The following MARCHF6 variants were observed in gnomAD, a reference collection of about 807,000 sequenced individuals.
MARCHF6 encodes E3 ubiquitin-protein ligase MARCHF6.
MARCHF6 carries 31 observed loss-of-function variants against 133.7 expected under a neutral mutation model. That is an observed-to-expected ratio of 0.23 (90% confidence interval 0.17 to 0.31). The LOEUF (loss-of-function observed/expected upper bound fraction) is 0.31. MARCHF6 is among the 10% of genes least tolerant of loss of function. MARCHF6 has a pLI of 1.00. For synonymous variants in MARCHF6, 395 were observed against 402.5 expected (o/e 0.98, Z 0.22); for missense variants, 723 against 1,121.6 (o/e 0.64, Z 5.08).
intron 1 of MARCHF6, among the ~76,000 whole-genome samples, chr5:10,372,898 A>C (rs1198278422): frequency 6.6e-6 from 1 of 152,076 alleles, no homozygotes; most frequent in Non-Finnish European, 1.5e-5. Flanking sequence ...ACAATAAGTG[A>C]AAAAGAAGTC....
chr5:10,391,007 T>C (rs533797852), intron 6 of MARCHF6, among the ~76,000 whole-genome samples: 12 of 152,262 alleles, frequency 7.9e-5, no homozygotes, highest in South Asian at 2.1e-4. Context: ...ACACGTGTTA[T>C]GAAGTGAGGT....
intron 1 of MARCHF6, among the ~76,000 whole-genome samples, chr5:10,361,067 A>G (rs1735793056): frequency 6.6e-6 from 1 of 152,254 alleles, no homozygotes. Context: ...TTAATAATTC[A>G]GACTATATTT....
chr5:10,418,246 G>T (rs1369563118), intron 22 of MARCHF6, among the ~76,000 whole-genome samples: 1 of 151,988 alleles, frequency 6.6e-6, no homozygotes, highest in Non-Finnish European at 1.5e-5. Flanking sequence ...CAAGCGTGGT[G>T]GTGTGGGCAT....
intron 10 of MARCHF6, among the ~76,000 whole-genome samples, chr5:10,399,900 C>T (rs1384937770): frequency 6.6e-6 from 1 of 152,154 alleles, no homozygotes; most frequent in Non-Finnish European, 1.5e-5. Flanking sequence ...TCATGTTTTA[C>T]ATCTGTCCAT....
chr5:10,393,582 T>C (rs1738004445), intron 7 of MARCHF6, among the ~76,000 whole-genome samples: 1 of 152,228 alleles, frequency 6.6e-6, no homozygotes, highest in Non-Finnish European at 1.5e-5. Flanking sequence ...AGCTCCTAAC[T>C]ATTCTTTCTC....
Position 10,403,396 on chromosome 5 carries a change from T to G in MARCHF6, c.1198-11T>G. ...GCACAGATTTCTCTTACCTGTCCTCTTTTGTCTCAGGAAATGTTTGATGCT... is the reference window on the plus strand; with the variant it reads ...GCACAGATTTCTCTTACCTGTCCTCGTTTGTCTCAGGAAATGTTTGATGCT... On this transcript the variant is annotated splice_polypyrimidine_tract_variant and intron_variant, in intron 14 of 25. Coordinates refer to ENST00000274140, the MANE Select transcript of MARCHF6 (RefSeq NM_005885.4). 2.5e-6 allele frequency: 4 copies of G among 1,609,236 alleles called. No individual in the cohort carries two copies. The highest frequency in any genetic ancestry group is 3.4e-6 in the Non-Finnish European group (4 of 1,178,244).
At position 10,364,143 on chromosome 5, in the gene MARCHF6, A is replaced by G. The variant is rs1579520895; in HGVS notation, c.19+10226A>G. Among the ~76,000 whole-genome samples the G allele has an allele frequency of 2.0e-5, 3 of 152,266 alleles. No individual in the cohort carries two copies. The East Asian group carries it at 5.8e-4, about 29-fold the overall frequency. On this transcript the variant is annotated intron_variant, in intron 1 of 25. Coordinates refer to ENST00000274140, the MANE Select transcript of MARCHF6 (RefSeq NM_005885.4). ...TAAAACTACTGTGAGATATCATTAC[A>G]TACCTATTAGTGTGGCTAAAATGGT...
intron 14 of MARCHF6, among the ~76,000 whole-genome samples, 167 bp from the exon 15 acceptor site, chr5:10,403,240 A>G (rs1157071686): frequency 6.6e-6 from 1 of 152,224 alleles, no homozygotes; most frequent in Non-Finnish European, 1.5e-5. Flanking sequence ...AGCAGTAGCC[A>G]ATCTTGTATA....
intron 17 of MARCHF6, among the ~76,000 whole-genome samples, chr5:10,409,665 G>A (rs915033648): frequency 4.6e-5 from 7 of 152,186 alleles, no homozygotes; most frequent in Admixed American, 1.3e-4. Flanking sequence ...TGACTGCTGT[G>A]ATGAGAGGAA....
chr5:10,358,590 A>G (rs1050347171), intron 1 of MARCHF6, among the ~76,000 whole-genome samples: 6 of 152,218 alleles, frequency 3.9e-5, no homozygotes, highest in Non-Finnish European at 8.8e-5. Flanking sequence ...TCTAGAGATA[A>G]TTTAAAGTAC....
chr5:10,365,833 A>G (rs1402158657), intron 1 of MARCHF6, among the ~76,000 whole-genome samples: 1 of 151,810 alleles, frequency 6.6e-6, no homozygotes, highest in East Asian at 1.9e-4. Context: ...TTTTTTTTGC[A>G]TTTTCTTCTT....
chr5:10,429,696 T>G (rs1400393995), intron 24 of MARCHF6, among the ~76,000 whole-genome samples, 197 bp from the exon 25 acceptor site: 1 of 152,170 alleles, frequency 6.6e-6, no homozygotes, highest in African/African-American at 2.4e-5. Flanking sequence ...CTACTATGCC[T>G]GGCCTCCTTG....
At chr5:10,404,255 A>G (rs1410298357) in intron 15 of MARCHF6, among the ~76,000 whole-genome samples, 1 of 151,888 alleles carries the variant, frequency 6.6e-6, no homozygotes, top group Non-Finnish European at 1.5e-5. Context: ...TTTAGTAGAG[A>G]CAGGGTTTCA....
chr5:10,362,333 C>T (rs1735878093), intron 1 of MARCHF6, among the ~76,000 whole-genome samples: 1 of 152,078 alleles, frequency 6.6e-6, no homozygotes, highest in African/African-American at 2.4e-5. Flanking sequence ...TTCTTCATTC[C>T]AAGTCCTTGA....
At chr5:10,366,248 G>C (rs541802832) in intron 1 of MARCHF6, among the ~76,000 whole-genome samples, 1 of 152,218 alleles carries the variant, frequency 6.6e-6, no homozygotes, top group Non-Finnish European at 1.5e-5. Context: ...TTAAGGGACT[G>C]TATACATTCC....
chr5:10,361,219 TA>T (rs1735802170), intron 1 of MARCHF6, among the ~76,000 whole-genome samples: 1 of 152,222 alleles, frequency 6.6e-6, no homozygotes, highest in South Asian at 2.1e-4. Flanking sequence ...GAGGAGGAGT[TA>T]AAAATGATTG....
At chr5:10,376,613 A>C (rs890240349) in intron 1 of MARCHF6, among the ~76,000 whole-genome samples, 3 of 152,216 alleles carry the variant, frequency 2.0e-5, no homozygotes, top group Admixed American at 6.5e-5. Context: ...GACAAATGGC[A>C]TTCAGCCATC....
chr5:10,400,011 C>T (rs1483555141), intron 10 of MARCHF6, among the ~76,000 whole-genome samples: 1 of 152,150 alleles, frequency 6.6e-6, no homozygotes, highest in East Asian at 1.9e-4. Context: ...TTGAATACAT[C>T]TGGGACAAAT....
At chr5:10,371,010 G>A (rs1736433254) in intron 1 of MARCHF6, among the ~76,000 whole-genome samples, 3 of 152,176 alleles carry the variant, frequency 2.0e-5, no homozygotes, top group African/African-American at 7.2e-5. Context: ...TGGGGAAGAA[G>A]CATGATAAGG....
Sources: allele counts gnomAD v4.1 joint callset (sites outside exome capture counted in the v4.1 genomes callset), GRCh38; gene constraint gnomAD v4.1.1; transcripts MANE v1.5; gene names NCBI Gene and HGNC (gene_info 2026-07-23, HGNC 2026-07-21).